The following RANBP2 variants were observed in gnomAD, a reference collection of about 807,000 sequenced individuals.
The protein encoded by RANBP2 is RAN binding protein 2.
RANBP2 carries 57 observed loss-of-function variants against 303.6 expected under a neutral mutation model. That is an observed-to-expected ratio of 0.19 (90% CI 0.15 to 0.23). The LOEUF (loss-of-function observed/expected upper bound fraction) is 0.23. Among genes scored for constraint, RANBP2 ranks in the 10% least tolerant of loss-of-function variants. The pLI, the probability that RANBP2 is intolerant of heterozygous loss-of-function variation, is 1.00. For missense variants in RANBP2, 3,138 were observed against 3,780.8 expected, an observed-to-expected ratio of 0.83 and a Z score of 4.46; for synonymous variants, 1,167 against 1,301.5, an observed-to-expected ratio of 0.90 and a Z score of 2.23.
the RANBP2 span, among the ~76,000 whole-genome samples, chr2:109,191,527 C>T: frequency 9.8e-5 from 15 of 152,336 alleles, no homozygotes; most frequent in South Asian, 3.1e-3. Context: ...GGGTAGGGTG[C>T]CCCTCCTGAG....
At chr2:109,334,921 C>G in the RANBP2 span, among the ~76,000 whole-genome samples, 10 of 152,326 alleles carry the variant, frequency 6.6e-5, no homozygotes, top group South Asian at 6.2e-4. Flanking sequence ...TTTAGGCTGG[C>G]CTTCCTGGAA....
chr2:109,253,913 T>G, the RANBP2 span, among the ~76,000 whole-genome samples: 3 of 152,134 alleles, frequency 2.0e-5, no homozygotes, highest in Non-Finnish European at 2.9e-5. Context: ...TCTAAAAGCA[T>G]GGAAGTCTTT....
the RANBP2 span, among the ~76,000 whole-genome samples, chr2:109,469,356 A>G: frequency 6.6e-6 from 1 of 151,684 alleles, no homozygotes; most frequent in Non-Finnish European, 1.5e-5. Context: ...GTGGCCCTTT[A>G]CTAGCCCCCG....
chr2:108,934,888 G>A, the RANBP2 span, among the ~76,000 whole-genome samples: 3 of 152,216 alleles, frequency 2.0e-5, no homozygotes, highest in Non-Finnish European at 4.4e-5. Flanking sequence ...GCGTGGAAAT[G>A]TCTCTTCCCA....
chr2:109,521,729 T>C, the RANBP2 span, among the ~76,000 whole-genome samples: 24 of 152,332 alleles, frequency 1.6e-4, no homozygotes, highest in African/African-American at 5.8e-4. Flanking sequence ...AGACGGTGTG[T>C]ATCCAAGAAA....
the RANBP2 span, among the ~76,000 whole-genome samples, chr2:109,010,680 C>T: frequency 6.6e-6 from 1 of 152,210 alleles, no homozygotes; most frequent in Admixed American, 6.5e-5. Context: ...AATACCATCA[C>T]ACTGGAGGTG....
At chr2:109,061,853 G>T in the RANBP2 span, among the ~76,000 whole-genome samples, 1 of 152,152 alleles carries the variant, frequency 6.6e-6, no homozygotes, top group African/African-American at 2.4e-5. Context: ...TCAAGCAGAG[G>T]TGATGCCCAT....
At chr2:109,692,369 T>C in the RANBP2 span, among the ~76,000 whole-genome samples, 2 of 152,126 alleles carry the variant, frequency 1.3e-5, no homozygotes, top group Non-Finnish European at 2.9e-5. Context: ...TCTAAAGTGG[T>C]TACGGTGGTG....
chr2:109,635,851 G>A, the RANBP2 span, among the ~76,000 whole-genome samples: 1 of 152,198 alleles, frequency 6.6e-6, no homozygotes, highest in Non-Finnish European at 1.5e-5. Context: ...ACTGGAAAGT[G>A]GTAAGTAAAC....
the RANBP2 span, among the ~76,000 whole-genome samples, chr2:109,469,284 A>G: frequency 6.6e-6 from 1 of 152,226 alleles, no homozygotes; most frequent in Non-Finnish European, 1.5e-5. Flanking sequence ...AGCCCTAAAG[A>G]CACCACCTCA....
chr2:109,397,292 GT>G, the RANBP2 span, among the ~76,000 whole-genome samples: 13,308 of 152,108 alleles, frequency 0.087, 1,633 homozygotes, highest in African/African-American at 0.27. Flanking sequence ...CATTTACTCA[GT>G]TTTTTTCTGC....
the RANBP2 span, among the ~76,000 whole-genome samples, chr2:108,922,654 C>T: frequency 2.0e-5 from 3 of 152,150 alleles, no homozygotes; most frequent in South Asian, 2.1e-4. Context: ...CCAGGGTCAG[C>T]TCCTCCTCCA....
chr2:108,776,650 A>C (rs567583472), intron 24 of RANBP2, among the ~76,000 whole-genome samples: 1 of 152,330 alleles, frequency 6.6e-6, no homozygotes, highest in African/African-American at 2.4e-5. Context: ...TTCAGAGATC[A>C]TGCAGCTTCA....
chr2:109,059,151 A>C, the RANBP2 span, among the ~76,000 whole-genome samples: 1 of 152,160 alleles, frequency 6.6e-6, no homozygotes, highest in East Asian at 1.9e-4. Context: ...ACCTGCTGGC[A>C]GGTCCAGTCA....
chr2:109,468,404 A>G, the RANBP2 span, among the ~76,000 whole-genome samples: 1 of 152,186 alleles, frequency 6.6e-6, no homozygotes, highest in Non-Finnish European at 1.5e-5. Context: ...TTTCATTATC[A>G]TCTTATAAGA....
At chr2:109,302,209 A>G in the RANBP2 span, among the ~76,000 whole-genome samples, 16 of 152,144 alleles carry the variant, frequency 1.1e-4, no homozygotes, top group East Asian at 3.9e-4. Context: ...GACACATGCA[A>G]TTTGTGGTGT....
At chr2:109,161,533 C>T in the RANBP2 span, among the ~76,000 whole-genome samples, 3 of 151,388 alleles carry the variant, frequency 2.0e-5, no homozygotes, top group Non-Finnish European at 4.4e-5. Context: ...GGGAACATGT[C>T]TTAGTCTAGC....
chr2:109,013,263 T>C, the RANBP2 span, among the ~76,000 whole-genome samples: 7 of 152,356 alleles, frequency 4.6e-5, no homozygotes, highest in Admixed American at 2.6e-4. Context: ...GGGATTAACC[T>C]GTGCAGAGGT....
At chr2:109,101,472 G>C in the RANBP2 span, among the ~76,000 whole-genome samples, 5 of 151,976 alleles carry the variant, frequency 3.3e-5, no homozygotes, top group African/African-American at 1.2e-4. Flanking sequence ...GCTTGTAGTT[G>C]AGCCGAGATC....
Sources: allele counts gnomAD v4.1 joint callset (sites outside exome capture counted in the v4.1 genomes callset), GRCh38; gene constraint gnomAD v4.1.1; transcripts MANE v1.5; gene names NCBI Gene and HGNC (gene_info 2026-07-23, HGNC 2026-07-21).